The following HROB variants were observed in gnomAD, a reference collection of about 807,000 sequenced individuals.
HROB encodes the protein homologous recombination factor with OB-fold.
Under a neutral mutation model 61.0 loss-of-function variants are expected in HROB, and 44 were observed. The ratio of observed to expected loss-of-function variants is 0.72; its 90% CI spans 0.57 to 0.93. HROB has a LOEUF of 0.93. Among genes scored for constraint, HROB ranks in the 40% least tolerant of loss-of-function variants. The pLI, the probability that HROB is intolerant of heterozygous loss-of-function variation, is 0.00. For synonymous variants in HROB, 301 were observed against 310.4 expected (o/e 0.97, Z 0.32); for missense variants, 716 against 796.2 (o/e 0.90, Z 1.21).
chr17:44,154,302 A>G, intron 5 of HROB: 1 of 428,294 alleles, frequency 2.3e-6, no homozygotes, highest in Non-Finnish European at 4.3e-6. Context: ...AGATTGTGCC[A>G]TTGCACCCAG....
At chr17:44,159,673 G>A (rs2054074563) in intron 9 of HROB, among the ~76,000 whole-genome samples, 1 of 152,264 alleles carries the variant, frequency 6.6e-6, no homozygotes, top group Non-Finnish European at 1.5e-5. Context: ...CAAGTCACGT[G>A]TCCACGTGAT....
intron 1 of HROB, among the ~76,000 whole-genome samples, chr17:44,144,203 C>T (rs1321646964): frequency 1.3e-5 from 2 of 151,630 alleles, no homozygotes; most frequent in African/African-American, 4.8e-5. Context: ...TGCAGTGGTG[C>T]GATCTCGGCT....
At chr17:44,160,753 T>G (rs1174791651) in intron 9 of HROB, among the ~76,000 whole-genome samples, 1 of 152,170 alleles carries the variant, frequency 6.6e-6, no homozygotes, top group Non-Finnish European at 1.5e-5. Context: ...AGTATACCAA[T>G]GGATAAACCA....
chr17:44,149,472 C>T (rs967891560), intron 3 of HROB, among the ~76,000 whole-genome samples: 1 of 152,234 alleles, frequency 6.6e-6, no homozygotes, highest in African/African-American at 2.4e-5. Flanking sequence ...TGGTCTCGAA[C>T]TCCTGACCTC....
In HROB at chr17:44,145,276, A is replaced by C. The variant is rs2053579239; in HGVS notation, c.54+23A>C. 2.5e-6 allele frequency: 4 copies of C among 1,613,166 alleles called. No homozygotes were observed. In the African/African-American group the frequency reaches 5.3e-5, roughly 22 times the overall value. Reference sequence around the variant, plus strand: ...GAGGTAGGGAAGTGTTGATGATCAGAGGTGGCAGACGAGGTCTTAAAATGT... The same window carrying C: ...GAGGTAGGGAAGTGTTGATGATCAGCGGTGGCAGACGAGGTCTTAAAATGT... On this transcript the variant is annotated intron_variant, in intron 2 of 9. Coordinates refer to ENST00000585683, the MANE Select transcript of HROB (RefSeq NM_001171251.3).
Position 44,151,110 on chromosome 17 carries a change from A to G in HROB, c.1308+66A>G, listed in dbSNP as rs2053791724. On this transcript the variant is annotated intron_variant, in intron 4 of 9. Transcript: ENST00000585683. Reference sequence around the variant, plus strand: ...AGTGAGGGGCGTCCCTGTGTGTTTCAGGAGTTAAGAATCAAGAGCTGATGC... The same window carrying G: ...AGTGAGGGGCGTCCCTGTGTGTTTCGGGAGTTAAGAATCAAGAGCTGATGC... The G allele has an allele frequency of 5.4e-6, 8 of 1,470,670 alleles. No individual in the cohort carries two copies. The South Asian group carries it at 8.2e-5, about 15-fold the overall frequency. 91.1% of individuals were successfully genotyped at this position (1,470,670 alleles called of 1,614,324 possible).
chr17:44,147,786 T>C, intron 2 of HROB, 72 bp from the exon 3 acceptor site: 1 of 1,410,578 alleles, frequency 7.1e-7, no homozygotes, highest in Non-Finnish European at 9.7e-7. Flanking sequence ...ACACGCCATG[T>C]GCCTGAACAG....
At chr17:44,142,314 G>A (rs762371805) in intron 1 of HROB, among the ~76,000 whole-genome samples, 169 bp downstream of exon 1, 2 of 152,044 alleles carry the variant, frequency 1.3e-5, no homozygotes, top group African/African-American at 4.8e-5. Flanking sequence ...TCATGGACGC[G>A]CCGGAGACCC....
intron 1 of HROB, among the ~76,000 whole-genome samples, chr17:44,142,466 CTTTTTTTT>C (rs1156855939): frequency 2.2e-5 from 3 of 137,854 alleles, no homozygotes; most frequent in Admixed American, 7.3e-5. Flanking sequence ...ACACTTTCTA[CTTTTTTTT>C]TTTTTTTTTT....
intron 5 of HROB, among the ~76,000 whole-genome samples, chr17:44,153,002 C>T (rs1370147115): frequency 6.6e-6 from 1 of 152,156 alleles, no homozygotes; most frequent in East Asian, 1.9e-4. Flanking sequence ...TATGCCTCTG[C>T]ACTTCCAGGC....
chr17:44,144,070 CG>C (rs2053540296), intron 1 of HROB, among the ~76,000 whole-genome samples: 1 of 151,492 alleles, frequency 6.6e-6, no homozygotes, highest in Non-Finnish European at 1.5e-5. Context: ...CTCTACCTCC[CG>C]GGTTCAAGCA....
chr17:44,148,272 GAATTTGATAA>G lies in HROB; in HGVS notation c.471_480del (p.Phe158SerfsTer42), dbSNP rs1567713992. 1 of 1,614,180 alleles carries G rather than the reference GAATTTGATAA, an allele frequency of 6.2e-7. No homozygotes were observed. Among genetic ancestry groups the G allele is most frequent in the East Asian group, 2.2e-5 (1 of 44,890 alleles). ...TGGCTTTGAGGGGCCTGAACAAGAC[GAATTTGATAA>G]AGTCCTGGCAAGCATGGAGTTGGAG... On this transcript the variant is annotated frameshift_variant, in exon 3 of 10. Coordinates refer to ENST00000585683, the MANE Select transcript of HROB (RefSeq NM_001171251.3). LOFTEE classifies it high-confidence loss of function.
chr17:44,144,206 T>C (rs913666758), intron 1 of HROB, among the ~76,000 whole-genome samples: 3 of 152,004 alleles, frequency 2.0e-5, no homozygotes, highest in East Asian at 3.9e-4. Flanking sequence ...AGTGGTGCGA[T>C]CTCGGCTCAC....
intron 1 of HROB, among the ~76,000 whole-genome samples, chr17:44,143,321 C>G (rs1344360559): frequency 6.6e-6 from 1 of 151,816 alleles, no homozygotes; most frequent in African/African-American, 2.4e-5. Context: ...CTGGCCTGGG[C>G]AATGTAGTGA....
chr17:44,148,900 C>A lies in HROB; in HGVS notation c.1097C>A (p.Pro366His). Residue 366 changes from proline (P) to histidine (H), a missense_variant, in exon 3 of 10, where the codon CCC (proline) becomes CAC (histidine). Transcript: ENST00000585683. The part of the protein sequence containing the change: ...PKGPQGALQT[P>H]IVTNHLVQLV... Reference sequence around the variant, plus strand: ...GGTCCCCAGGGAGCTCTGCAGACACCCATAGTCACCAACCACCTGGTGCAG... The same window carrying A: ...GGTCCCCAGGGAGCTCTGCAGACACACATAGTCACCAACCACCTGGTGCAG... 1 of 1,614,154 alleles carries A rather than the reference C, an allele frequency of 6.2e-7. No individual in the cohort carries two copies. The highest frequency in any genetic ancestry group is 8.5e-7 in the Non-Finnish European group (1 of 1,180,020).
At chr17:44,153,309 C>T (rs552961180) in intron 5 of HROB, among the ~76,000 whole-genome samples, 17 of 151,756 alleles carry the variant, frequency 1.1e-4, no homozygotes, top group Admixed American at 1.1e-3. Flanking sequence ...AAAAAATCAG[C>T]TGGATGTGGT....
chr17:44,148,470 A>G lies in HROB; in HGVS notation c.667A>G (p.Met223Val), dbSNP rs116036794. The change falls in exon 3 of 10, where the codon ATG becomes GTG. Residue 223 changes from methionine to valine, a missense_variant. Met to Val is a conservative substitution (Grantham distance 21). Coordinates refer to ENST00000585683, the MANE Select transcript of HROB (RefSeq NM_001171251.3). ...GCCTGCCATCCACAAAGCGGGTATCATGTCCGCCCAGGATGAGTCTCTAGA... is the reference window on the plus strand; with the variant it reads ...GCCTGCCATCCACAAAGCGGGTATCGTGTCCGCCCAGGATGAGTCTCTAGA... Reference protein sequence around the residue: ...PVPAIHKAGIMSAQDESLDPV... With the variant: ...PVPAIHKAGIVSAQDESLDPV... The G allele has an allele frequency of 2.9e-4, 476 of 1,614,138 alleles. No homozygotes were observed. In the African/African-American group the frequency reaches 4.2e-3, roughly 14 times the overall value.
At chr17:44,155,205 A>G (rs2053935785) in intron 7 of HROB, 81 bp from the exon 8 acceptor site, 1 of 1,580,348 alleles carries the variant, frequency 6.3e-7, no homozygotes. Context: ...CACCAAGTGA[A>G]AGGCAGGTGG....
intron 9 of HROB, among the ~76,000 whole-genome samples, chr17:44,160,094 C>T (rs561180248): frequency 3.2e-4 from 48 of 152,338 alleles, no homozygotes; most frequent in African/African-American, 1.1e-3. Flanking sequence ...CAGGCACTGG[C>T]GCTACTGCTA....
Sources: gnomAD v4.1 joint callset for allele counts (sites outside exome capture counted in the v4.1 genomes callset) on GRCh38, gnomAD v4.1.1 for gene constraint, MANE v1.5 for transcripts, NCBI Gene and HGNC (gene_info 2026-07-23, HGNC 2026-07-21) for gene names.